The following MAOA variants were observed in gnomAD, a reference collection of about 807,000 sequenced individuals.
MAOA encodes amine oxidase [flavin-containing] A.
Under a neutral mutation model 42.0 loss-of-function variants are expected in MAOA, and 6 were observed. That is an observed-to-expected ratio of 0.14 (90% CI 0.08 to 0.28). The LOEUF (loss-of-function observed/expected upper bound fraction) is 0.28, where lower values mean the gene tolerates loss of function less well. Among genes scored for constraint, MAOA ranks in the 10% least tolerant of loss-of-function variants. The pLI is 1.00. For synonymous variants in MAOA, 140 were observed against 154.0 expected (o/e 0.91, Z 0.67); for missense variants, 262 against 422.3 (o/e 0.62, Z 3.33).
In MAOA at chrX:43,693,385, C is replaced by T. The variant is rs768926368; in HGVS notation, c.263C>T (p.Thr88Ile). The change falls in exon 3 of 15, where the codon ACT becomes ATT. Residue 88 changes from threonine (T) to isoleucine (I), a missense_variant. Around this residue, in one of 3 missense-constraint regions of MAOA, gnomAD observed 141 missense variants for 195.6 expected, o/e 0.72. Transcript: ENST00000338702. Reference protein sequence around the residue: ...LRLSKELGIETYKVNVSERLV... With the variant: ...LRLSKELGIEIYKVNVSERLV... Reference sequence around the variant, plus strand: ...TTGTCTAAGGAGCTGGGCATAGAGACTTACAAAGTGAATGTCAGTGAGCGT... The same window carrying T: ...TTGTCTAAGGAGCTGGGCATAGAGATTTACAAAGTGAATGTCAGTGAGCGT... 1.7e-6 allele frequency: 2 copies of T among 1,210,960 alleles called. No individual in the cohort carries two copies. The highest frequency in any genetic ancestry group is 3.0e-5 in the East Asian group (1 of 33,823).
chrX:43,675,670 T>G (rs2033388343), intron 1 of MAOA, among the ~76,000 whole-genome samples: 1 of 112,651 alleles, frequency 8.9e-6, no homozygotes, highest in Admixed American at 9.4e-5. Context: ...GACAGGACCC[T>G]CAGCTGCAGG....
At chrX:43,675,135 C>T (rs1467458165) in intron 1 of MAOA, among the ~76,000 whole-genome samples, 1 of 111,491 alleles carries the variant, frequency 9.0e-6, no homozygotes, top group Non-Finnish European at 1.9e-5. Context: ...AGGCTTTGTT[C>T]GTTTCTTTTT....
chrX:43,734,055 A>C (rs2033901975), intron 9 of MAOA, among the ~76,000 whole-genome samples: 1 of 109,814 alleles, frequency 9.1e-6, no homozygotes, highest in African/African-American at 3.3e-5. Flanking sequence ...AAATCCAACT[A>C]TGAATGGAAG....
intron 1 of MAOA, among the ~76,000 whole-genome samples, chrX:43,658,680 C>T (rs1385234978): frequency 8.9e-6 from 1 of 111,787 alleles, no homozygotes; most frequent in South Asian, 3.7e-4. Context: ...GGAAAAAGCA[C>T]TTGACTTCCT....
intron 10 of MAOA, among the ~76,000 whole-genome samples, chrX:43,737,366 A>G (rs1400566945): frequency 8.9e-6 from 1 of 111,850 alleles, no homozygotes; most frequent in Admixed American, 9.5e-5. Context: ...TGCATTTGTG[A>G]TACTGTAACA....
At chrX:43,702,853 C>A (rs1187568186) in intron 3 of MAOA, among the ~76,000 whole-genome samples, 2 of 110,783 alleles carry the variant, frequency 1.8e-5, no homozygotes, top group Non-Finnish European at 3.8e-5. Flanking sequence ...ATAGCCATAT[C>A]TAGCAGATAA....
At position 43,673,418 on chromosome X, in the gene MAOA, G is replaced by GT. The variant is rs1192352606; in HGVS notation, c.74-10084dup. ...CCTGGATTCGTTAATTTTTTGAAGG[G>GT]TTTTTTTTTTTGTTGTCTCTATTTC... is the stretch of plus-strand genomic sequence containing the variant. On this transcript the variant is annotated intron_variant, in intron 1 of 14. Coordinates refer to ENST00000338702, the MANE Select transcript of MAOA (RefSeq NM_000240.4). Among the ~76,000 whole-genome samples the GT allele has an allele frequency of 7.8e-3, 807 of 102,858 alleles. 9 individuals are homozygous for GT. Among genetic ancestry groups the GT allele is most frequent in the African/African-American group, 0.025 (701 of 28,459 alleles). 89.3% of individuals were successfully genotyped at this position (102,858 alleles called of 115,157 possible). A position where few individuals can be genotyped will look rare whatever the true frequency, so the allele number is the denominator to read the frequency against.
intron 1 of MAOA, among the ~76,000 whole-genome samples, chrX:43,660,967 G>A (rs934340639): frequency 2.7e-5 from 3 of 112,068 alleles, no homozygotes; most frequent in Non-Finnish European, 5.6e-5. Flanking sequence ...TCCTTCATGA[G>A]TCTGTTTGGA....
intron 1 of MAOA, among the ~76,000 whole-genome samples, chrX:43,660,172 G>A (rs2033220819): frequency 9.0e-6 from 1 of 111,054 alleles, no homozygotes; most frequent in Non-Finnish European, 1.9e-5. Context: ...AGAACATATG[G>A]TATTGGACTT....
chrX:43,662,204 G>C (rs1395037675), intron 1 of MAOA, among the ~76,000 whole-genome samples: 1 of 111,386 alleles, frequency 9.0e-6, no homozygotes, highest in Non-Finnish European at 1.9e-5. Context: ...ATACTCTGAG[G>C]TTCAATGTGG....
rs367715125 is a variant in MAOA, at chrX:43,744,369, C to T, written c.1440C>T (p.Asp480=). ...DIWVQEPESK[D]VPAVEITHTF... is the part of the protein sequence containing the mutation. ...ATGATCTGTGTTCCTTCATCTAGGA[C>T]GTTCCAGCGGTAGAAATCACCCACA... Residue 480 remains aspartate (D), a splice_region_variant and synonymous_variant, in exon 15 of 15, where the codon GAC becomes GAT. Transcript: ENST00000338702. 12 of 1,208,812 alleles carry T rather than the reference C, an allele frequency of 9.9e-6. No homozygotes were observed. Among genetic ancestry groups the T allele is most frequent in the African/African-American group, 5.3e-5 (3 of 56,871 alleles).
intron 5 of MAOA, 147 bp downstream of exon 5, chrX:43,712,943 C>T (rs2033711149): frequency 4.1e-6 from 2 of 483,769 alleles, no homozygotes; most frequent in Non-Finnish European, 7.2e-6. Flanking sequence ...ATGTTGAGGG[C>T]ACCTCAAAGT....
intron 1 of MAOA, among the ~76,000 whole-genome samples, chrX:43,680,078 CTTT>C (rs768208391): frequency 1.8e-5 from 2 of 111,796 alleles, no homozygotes; most frequent in Admixed American, 9.5e-5. Flanking sequence ...ATACTTAAAT[CTTT>C]TATGGGCATC....
At chrX:43,658,293 G>T (rs1318603638) in intron 1 of MAOA, among the ~76,000 whole-genome samples, 3 of 111,284 alleles carry the variant, frequency 2.7e-5, no homozygotes, top group Admixed American at 9.6e-5. Context: ...AAGGAGCGCG[G>T]TTTTTTTATT....
chrX:43,732,575 G>A (rs2033890809), intron 8 of MAOA, 124 bp from the exon 9 acceptor site: 2 of 516,628 alleles, frequency 3.9e-6, no homozygotes, highest in Non-Finnish European at 3.4e-6. Flanking sequence ...TGTAGGGTTG[G>A]GGCCAAGACC....
chrX:43,729,580 G>A (rs770571884), intron 6 of MAOA, among the ~76,000 whole-genome samples: 13 of 111,820 alleles, frequency 1.2e-4, no homozygotes, highest in South Asian at 3.8e-4. Flanking sequence ...TAAATGGTCT[G>A]GGTTTCTTGA....
At chrX:43,689,114 G>T (rs112592173) in intron 2 of MAOA, among the ~76,000 whole-genome samples, 5,068 of 109,396 alleles carry the variant, frequency 0.046, 130 homozygotes, top group Non-Finnish European at 0.071. Flanking sequence ...GAGTCTCACT[G>T]TGTTGCCCAG....
chrX:43,664,761 C>T (rs759575684), intron 1 of MAOA, among the ~76,000 whole-genome samples: 6 of 111,570 alleles, frequency 5.4e-5, no homozygotes, highest in African/African-American at 1.6e-4. Context: ...GGTTTGCTCT[C>T]GCTTCTCTGC....
chrX:43,662,002 C>T (rs1055060512), intron 1 of MAOA, among the ~76,000 whole-genome samples: 2 of 111,400 alleles, frequency 1.8e-5, no homozygotes, highest in Non-Finnish European at 3.8e-5. Context: ...TTCAGCATTC[C>T]GATGATTGAG....
Sources: allele counts gnomAD v4.1 joint callset (sites outside exome capture counted in the v4.1 genomes callset), GRCh38; gene constraint gnomAD v4.1.1; regional missense constraint gnomAD v4.1.1; transcripts MANE v1.5; gene names NCBI Gene and HGNC (gene_info 2026-07-23, HGNC 2026-07-21).